Variants in MINDY4 observed in about 807,000 individuals in gnomAD.
The protein encoded by MINDY4 is MINDY lysine 48 deubiquitinase 4, also known as probable ubiquitin carboxyl-terminal hydrolase MINDY-4.
MINDY4 carries 68 observed loss-of-function variants against 87.0 expected under a neutral mutation model. The ratio of observed to expected loss-of-function variants is 0.78; its 90% CI spans 0.64 to 0.96. The LOEUF is 0.96. MINDY4 is among the 40% of genes least tolerant of loss of function. MINDY4 has a pLI of 0.00. For synonymous variants in MINDY4, 379 were observed against 363.2 expected (o/e 1.04, Z -0.50); for missense variants, 919 against 928.2 (o/e 0.99, Z 0.13).
intron 5 of MINDY4, among the ~76,000 whole-genome samples, chr7:30,824,835 T>C (rs1472045403): frequency 3.3e-5 from 5 of 152,216 alleles, no homozygotes; most frequent in Admixed American, 2.0e-4. Context: ...GCTGGGACTA[T>C]AGGCATGAGC....
At chr7:30,807,975 C>G (rs1239385907) in intron 5 of MINDY4, among the ~76,000 whole-genome samples, 2 of 152,238 alleles carry the variant, frequency 1.3e-5, no homozygotes, top group African/African-American at 2.4e-5. Context: ...GGGGTTTTGT[C>G]TGCGGCTTGT....
intron 5 of MINDY4, among the ~76,000 whole-genome samples, chr7:30,813,665 T>C (rs1788071725): frequency 1.3e-5 from 2 of 152,180 alleles, no homozygotes; most frequent in Non-Finnish European, 2.9e-5. Context: ...GCAGGCCGGC[T>C]CAGGGACACA....
At chr7:30,851,481 T>C (rs1465805336) in intron 10 of MINDY4, among the ~76,000 whole-genome samples, 1 of 152,228 alleles carries the variant, frequency 6.6e-6, no homozygotes, top group Non-Finnish European at 1.5e-5. Flanking sequence ...TGATAAATAA[T>C]AATAATTGCG....
At position 30,853,420 on chromosome 7, in the gene MINDY4, T is replaced by C. The variant is rs746396682; in HGVS notation, c.1638T>C (p.Tyr546=). The change falls in exon 12 of 18, where the codon TAT becomes TAC. Residue 546 remains tyrosine (Y), a synonymous_variant. Coordinates refer to ENST00000265299, the MANE Select transcript of MINDY4 (RefSeq NM_032222.3). ...TTACGCTTCACAGTTTGACCTGCTA[T>C]GAGGACCTGGTGACTTTTCTTCAAC... ...ETLTLHSLTC[Y]EDLVTFLQQS... 4 of 1,613,832 alleles carry C rather than the reference T, an allele frequency of 2.5e-6. No homozygotes were observed. The Middle Eastern group carries it at 6.6e-4, about 266-fold the overall frequency.
chr7:30,839,353 T>C, intron 8 of MINDY4, 37 bp downstream of exon 8: 3 of 1,334,194 alleles, frequency 2.2e-6, no homozygotes, highest in Non-Finnish European at 3.1e-6. Flanking sequence ...ACCTTTCTGC[T>C]GGGCCATCAT....
intron 5 of MINDY4, among the ~76,000 whole-genome samples, chr7:30,814,354 G>A (rs1369379966): frequency 6.6e-6 from 1 of 152,116 alleles, no homozygotes; most frequent in African/African-American, 2.4e-5. Context: ...TTTACCAGTT[G>A]AGGTAGACAT....
At chr7:30,872,363 G>C (rs555864573) in intron 14 of MINDY4, 57 bp downstream of exon 14, 2 of 1,520,880 alleles carry the variant, frequency 1.3e-6, no homozygotes, top group Admixed American at 1.7e-5. Context: ...CCCTCAGAGA[G>C]GGAGAGGTCC....
intron 5 of MINDY4, among the ~76,000 whole-genome samples, chr7:30,792,483 G>T (rs1441155889): frequency 6.6e-6 from 1 of 152,186 alleles, no homozygotes; most frequent in South Asian, 2.1e-4. Flanking sequence ...GAATTTACTG[G>T]AGAAATTTTC....
In MINDY4 at chr7:30,892,293, T is replaced by C. The variant is rs2128584780; in HGVS notation, c.*288T>C. Reference sequence around the variant, plus strand: ...TTGTCTGCATCCCTCCCTTGCTCCCTGCTGGGTGGTCCCTCACCCAGGCCT... The same window carrying C: ...TTGTCTGCATCCCTCCCTTGCTCCCCGCTGGGTGGTCCCTCACCCAGGCCT... On this transcript the variant is annotated 3_prime_UTR_variant, in exon 18 of 18. Transcript: ENST00000265299. 2 of 419,944 alleles carry C rather than the reference T, an allele frequency of 4.8e-6. No homozygotes were observed. Among genetic ancestry groups the C allele is most frequent in the Non-Finnish European group, 8.6e-6 (2 of 233,138 alleles). The allele number at this position is 419,944 out of a possible 1,614,324, so 26.0% of individuals were successfully genotyped here. A position where few individuals can be genotyped will look rare whatever the true frequency, so the allele number is the denominator to read the frequency against.
At chr7:30,843,936 G>A (rs560731332) in intron 9 of MINDY4, among the ~76,000 whole-genome samples, 2 of 152,292 alleles carry the variant, frequency 1.3e-5, no homozygotes, top group East Asian at 3.9e-4. Flanking sequence ...GGGCCTGCCT[G>A]GCTGGACCAG....
intron 13 of MINDY4, among the ~76,000 whole-genome samples, chr7:30,862,099 C>A (rs1003429683): frequency 6.6e-6 from 1 of 152,246 alleles, no homozygotes; most frequent in Non-Finnish European, 1.5e-5. Flanking sequence ...ACAGGGCAGG[C>A]CTTGGGCAGC....
At chr7:30,793,128 T>TTA (rs949575331) in intron 5 of MINDY4, among the ~76,000 whole-genome samples, 22 of 143,100 alleles carry the variant, frequency 1.5e-4, no homozygotes, top group Non-Finnish European at 3.2e-4. Context: ...TTGTTTATAT[T>TTA]TATATATATA....
intron 15 of MINDY4, among the ~76,000 whole-genome samples, chr7:30,880,309 C>CCCCCCCCCCCCCCCCCCCG (rs138112353): frequency 6.7e-6 from 1 of 148,734 alleles, no homozygotes; most frequent in African/African-American, 2.5e-5. Context: ...CGCACCCCCC[C>CCCCCCCCCCCCCCCCCCCG]CCACCCCCGA....
At chr7:30,796,492 T>G (rs1363351486) in intron 5 of MINDY4, among the ~76,000 whole-genome samples, 2 of 152,226 alleles carry the variant, frequency 1.3e-5, no homozygotes, top group Non-Finnish European at 2.9e-5. Flanking sequence ...TAATTTAGAC[T>G]TTTAAAAAAG....
rs534351665 is a variant in MINDY4 at position 30,854,129 on chromosome 7, C to T, written c.1677+670C>T. On this transcript the variant is annotated intron_variant, in intron 12 of 17. Coordinates refer to ENST00000265299, the MANE Select transcript of MINDY4 (RefSeq NM_032222.3). Reference sequence around the variant, plus strand: ...ACTCTGTGGGGAGGGGCTACACACTCCAGGGGTAAAGAACACGGTCTCTGG... The same window carrying T: ...ACTCTGTGGGGAGGGGCTACACACTTCAGGGGTAAAGAACACGGTCTCTGG... Among the ~76,000 whole-genome samples, 3 of 152,284 alleles carry T rather than the reference C, an allele frequency of 2.0e-5. No homozygotes were observed. The South Asian group carries it at 6.2e-4, about 32-fold the overall frequency.
chr7:30,878,233 T>C (rs552447685), intron 15 of MINDY4, among the ~76,000 whole-genome samples: 12 of 152,092 alleles, frequency 7.9e-5, no homozygotes, highest in Non-Finnish European at 1.5e-4. Context: ...CACTAGCAGG[T>C]GAAGCCTCTC....
chr7:30,865,157 G>A (rs1238486671), intron 13 of MINDY4, among the ~76,000 whole-genome samples: 10 of 152,142 alleles, frequency 6.6e-5, no homozygotes, highest in African/African-American at 2.2e-4. Flanking sequence ...TCTCTGCACC[G>A]ACACCTGGCT....
chr7:30,809,801 A>T lies in MINDY4; in HGVS notation c.1073+18227A>T, dbSNP rs184537839. Among the ~76,000 whole-genome samples the T allele has an allele frequency of 4.5e-3, 691 of 152,062 alleles. 5 individuals are homozygous for T. Among genetic ancestry groups the T allele is most frequent in the African/African-American group, 0.016 (645 of 41,422 alleles). ...CATCTTCGAAAAAAAAAAGGGGGAA[A>T]AAAAAGGGGGGCAGAATTTATGTAA... On this transcript the variant is annotated intron_variant, in intron 5 of 17. Coordinates refer to ENST00000265299, the MANE Select transcript of MINDY4 (RefSeq NM_032222.3).
chr7:30,843,533 T>G (rs1280729444), intron 9 of MINDY4, among the ~76,000 whole-genome samples: 1 of 147,774 alleles, frequency 6.8e-6, no homozygotes, highest in African/African-American at 2.6e-5. Context: ...ACAAGGCATT[T>G]AAGCATGTTC....
Sources: allele counts gnomAD v4.1 joint callset (sites outside exome capture counted in the v4.1 genomes callset), GRCh38; gene constraint gnomAD v4.1.1; transcripts MANE v1.5; gene names NCBI Gene and HGNC (gene_info 2026-07-23, HGNC 2026-07-21).